Variants in APOL6 observed in about 807,000 individuals in gnomAD.
The protein encoded by APOL6 is apolipoprotein L, 6.
APOL6 carries 1 observed loss-of-function variant against 2.4 expected under a neutral mutation model. The ratio of observed to expected loss-of-function variants is 0.41; its 90% CI spans 0.15 to 1.94. The LOEUF is 1.94. Among genes scored for constraint, APOL6 ranks in the 30% most tolerant of loss-of-function variants. APOL6 has a pLI of 0.30. For missense variants in APOL6, 438 were observed against 429.2 expected (o/e 1.02, Z -0.18); for synonymous variants, 189 against 169.3 (o/e 1.12, Z -0.90).
chr22:35,656,382 A>C lies in APOL6; in HGVS notation c.-44A>C. 2.5e-6 allele frequency: 4 copies of C among 1,612,778 alleles called. No individual in the cohort carries two copies. Among genetic ancestry groups the C allele is most frequent in the Non-Finnish European group, 3.4e-6 (4 of 1,178,794 alleles). ...GTTTTTCTACATTCCTGACCAGAAA[A>C]TCATTTGACTCCTGGGGACACAGAT... is the stretch of plus-strand genomic sequence containing the variant. On this transcript the variant is annotated 5_prime_UTR_variant, in exon 2 of 3. Transcript: ENST00000409652.
rs1925046149 is a variant in APOL6 at position 35,662,190 on chromosome 22, T to C, written c.*2594T>C. The C allele has an allele frequency of 6.6e-6, 1 of 152,162 alleles. No homozygotes were observed. Among genetic ancestry groups the C allele is most frequent in the Non-Finnish European group, 1.5e-5 (1 of 68,040 alleles). 9.4% of individuals were successfully genotyped at this position (152,162 alleles called of 1,614,324 possible). A position where few individuals can be genotyped will look rare whatever the true frequency, so the allele number is the denominator to read the frequency against. On this transcript the variant is annotated 3_prime_UTR_variant, in exon 3 of 3. Coordinates refer to ENST00000409652, the MANE Select transcript of APOL6 (RefSeq NM_030641.4). Reference sequence around the variant, plus strand: ...GGAAGGGAAGGGAGGTGGGCAGCAGTGGGTCAGAGATAGACCTTTGTTCTC... The same window carrying C: ...GGAAGGGAAGGGAGGTGGGCAGCAGCGGGTCAGAGATAGACCTTTGTTCTC...
At chr22:35,658,487 C>A in intron 2 of APOL6, 128 bp from the exon 3 acceptor site, 1 of 831,286 alleles carries the variant, frequency 1.2e-6, no homozygotes, top group South Asian at 1.9e-5. Context: ...TGCTCTAGGA[C>A]TTTTCAGGGG....
rs1034285385 is a variant in APOL6, at chr22:35,663,084, T to G, written c.*3488T>G. 5.9e-5 allele frequency: 9 copies of G among 152,226 alleles called. 1 individual carries two copies. The highest frequency in any genetic ancestry group is 2.2e-4 in the African/African-American group (9 of 41,462). 9.4% of individuals were successfully genotyped at this position (152,226 alleles called of 1,614,324 possible). A position where few individuals can be genotyped will look rare whatever the true frequency, so the allele number is the denominator to read the frequency against. ...GCACTCAGAAATTGTATAATTTGTG[T>G]GACCATTGTTAGTTTTGCTTAACTG... On this transcript the variant is annotated 3_prime_UTR_variant, in exon 3 of 3. Transcript: ENST00000409652.
In APOL6 at chr22:35,660,242, C is replaced by A. The variant is rs936380458; in HGVS notation, c.*646C>A. 6.6e-6 allele frequency: 1 copy of A among 152,532 alleles called. No homozygotes were observed. Among genetic ancestry groups the A allele is most frequent in the African/African-American group, 2.4e-5 (1 of 41,448 alleles). The allele number at this position is 152,532 out of a possible 1,614,324, so 9.4% of individuals were successfully genotyped here. ...TGAGGCCATAGGGTGAGGTCCTAAC[C>A]CGATGGAATTGACTTCTTTATAAGA... On this transcript the variant is annotated 3_prime_UTR_variant, in exon 3 of 3. Coordinates refer to ENST00000409652, the MANE Select transcript of APOL6 (RefSeq NM_030641.4).
intron 1 of APOL6, among the ~76,000 whole-genome samples, chr22:35,655,567 T>G (rs1473022901): frequency 1.3e-5 from 2 of 152,190 alleles, no homozygotes; most frequent in Non-Finnish European, 2.9e-5. Context: ...TTGTTATTGC[T>G]ATGTAATATT....
rs1924960133 is a variant in APOL6, at chr22:35,659,547, T to C, written c.983T>C (p.Leu328Pro). 7 of 1,613,836 alleles carry C rather than the reference T, an allele frequency of 4.3e-6. No homozygotes were observed. Among genetic ancestry groups the C allele is most frequent in the Non-Finnish European group, 5.9e-6 (7 of 1,179,972 alleles). The change falls in exon 3 of 3, where the codon CTG (leucine) becomes CCG (proline). Residue 328 changes from leucine (L) to proline (P), a missense_variant. Transcript: ENST00000409652. ...TTAAGGGAGCATGTGTGGATGTGGC[T>C]GTGGCTGTGTGTGTGTCTGTGTGTC... The part of the protein sequence containing the change: ...KELREHVWMW[L>P]WLCVCLCVCV...
intron 2 of APOL6, among the ~76,000 whole-genome samples, chr22:35,658,103 G>T (rs1189971587): frequency 6.6e-6 from 1 of 152,046 alleles, no homozygotes; most frequent in African/African-American, 2.4e-5. Flanking sequence ...CAGATTCGAG[G>T]TCATTAGAGT....
At chr22:35,654,010 C>T (rs1307205198) in intron 1 of APOL6, among the ~76,000 whole-genome samples, 1 of 152,182 alleles carries the variant, frequency 6.6e-6, no homozygotes, top group Non-Finnish European at 1.5e-5. Context: ...CAGGGAAACA[C>T]TTATTTACAA....
rs562016910 is a variant in APOL6 at position 35,651,341 on chromosome 22, C to A, written c.-48+2718C>A. Among the ~76,000 whole-genome samples the A allele has an allele frequency of 3.3e-5, 5 of 152,312 alleles. No homozygotes were observed. In the South Asian group the frequency reaches 6.2e-4, roughly 19 times the overall value. ...GCTTCTGACAGCACGACTCTAATTT[C>A]TGCCTCTGTCTGCGTGCAGCCTTCT... is the stretch of plus-strand genomic sequence containing the variant. On this transcript the variant is annotated intron_variant, in intron 1 of 2. Transcript: ENST00000409652.
At position 35,664,855 on chromosome 22, in the gene APOL6, T is replaced by A. The variant is rs1381215854; in HGVS notation, c.*5259T>A. On this transcript the variant is annotated 3_prime_UTR_variant, in exon 3 of 3. Transcript: ENST00000409652. ...GTCTAATTCAAAGCTTATTAAAAGGTTATATATAAAACAAGGTAAAAGGAA... is the reference window on the plus strand; with the variant it reads ...GTCTAATTCAAAGCTTATTAAAAGGATATATATAAAACAAGGTAAAAGGAA... 1 of 151,656 alleles carries A rather than the reference T, an allele frequency of 6.6e-6. No homozygotes were observed. The highest frequency in any genetic ancestry group is 1.5e-5 in the Non-Finnish European group (1 of 67,926). 9.4% of individuals were successfully genotyped at this position (151,656 alleles called of 1,614,324 possible). A position where few individuals can be genotyped will look rare whatever the true frequency, so the allele number is the denominator to read the frequency against.
intron 1 of APOL6, among the ~76,000 whole-genome samples, chr22:35,651,702 C>G (rs2145953085): frequency 6.6e-6 from 1 of 152,296 alleles, no homozygotes; most frequent in African/African-American, 2.4e-5. Context: ...CCAGCTTCAT[C>G]CATGTCCCTA....
intron 1 of APOL6, among the ~76,000 whole-genome samples, chr22:35,651,455 C>T (rs544241799): frequency 3.9e-5 from 6 of 152,138 alleles, no homozygotes; most frequent in East Asian, 3.9e-4. Context: ...TAATTTCACC[C>T]GGAGAAATGT....
Position 35,659,923 on chromosome 22 carries a change from G to A in APOL6, c.*327G>A, listed in dbSNP as rs750437959. The A allele has an allele frequency of 2.8e-5, 7 of 251,032 alleles. No individual in the cohort carries two copies. The highest frequency in any genetic ancestry group is 4.6e-5 in the Non-Finnish European group (6 of 129,644). 15.6% of individuals were successfully genotyped at this position (251,032 alleles called of 1,614,324 possible). On this transcript the variant is annotated 3_prime_UTR_variant, in exon 3 of 3. Coordinates refer to ENST00000409652, the MANE Select transcript of APOL6 (RefSeq NM_030641.4). ...TGGGATTACAGGCACGCACCACCAC[G>A]CCCAGCTAATTTTGGTATTTTTTTG...
rs149874077 is a variant in APOL6, at chr22:35,659,050, C to T, written c.486C>T (p.Asp162=). ...EDREDEEEKA[D]YVTAAGKIIY... is the part of the protein sequence containing the mutation. ...GGGAGGATGAGGAAGAGAAGGCAGA[C>T]TATGTCACAGCTGCTGGAAAGATTA... is the stretch of plus-strand genomic sequence containing the variant. Residue 162 remains aspartate, a synonymous_variant, in exon 3 of 3, where the codon GAC becomes GAT. Coordinates refer to ENST00000409652, the MANE Select transcript of APOL6 (RefSeq NM_030641.4). 5.9e-4 allele frequency: 958 copies of T among 1,613,936 alleles called. 2 individuals are homozygous for T. Among genetic ancestry groups the T allele is most frequent in the Non-Finnish European group, 7.0e-4 (830 of 1,180,034 alleles).
rs539735860 is a variant in APOL6, at chr22:35,662,990, C to T, written c.*3394C>T. On this transcript the variant is annotated 3_prime_UTR_variant, in exon 3 of 3. Transcript: ENST00000409652. ...CTCCCAACAAGGAAGGCAAGTTTTC[C>T]TGCTTTCATGATGATGGAAGGCAGG... 1 of 152,264 alleles carries T rather than the reference C, an allele frequency of 6.6e-6. No homozygotes were observed. Among genetic ancestry groups the T allele is most frequent in the Admixed American group, 6.5e-5 (1 of 15,288 alleles). 9.4% of individuals were successfully genotyped at this position (152,264 alleles called of 1,614,324 possible).
At chr22:35,651,119 T>C (rs192099228) in intron 1 of APOL6, among the ~76,000 whole-genome samples, 4 of 152,184 alleles carry the variant, frequency 2.6e-5, no homozygotes, top group Admixed American at 1.3e-4. Flanking sequence ...GTACCAAATG[T>C]AGAGAAGAGA....
intron 1 of APOL6, among the ~76,000 whole-genome samples, chr22:35,649,689 C>T (rs1209731243): frequency 2.0e-5 from 3 of 151,898 alleles, no homozygotes; most frequent in Non-Finnish European, 4.4e-5. Flanking sequence ...ATGGGACCTG[C>T]TTAGATGAGT....
rs1159023840 is a variant in APOL6 at position 35,665,026 on chromosome 22, G to A, written c.*5430G>A. ...AATAAAATAACTGGTTGTTTAACAA[G>A]GAGGGATGTTCAGGACAAACCAGAA... is the stretch of plus-strand genomic sequence containing the variant. On this transcript the variant is annotated 3_prime_UTR_variant, in exon 3 of 3. Transcript: ENST00000409652. 1 of 151,852 alleles carries A rather than the reference G, an allele frequency of 6.6e-6. No homozygotes were observed. Among genetic ancestry groups the A allele is most frequent in the Non-Finnish European group, 1.5e-5 (1 of 67,974 alleles). The allele number at this position is 151,852 out of a possible 1,614,324, so 9.4% of individuals were successfully genotyped here. A position where few individuals can be genotyped will look rare whatever the true frequency, so the allele number is the denominator to read the frequency against.
rs1601871926 is a variant in APOL6, at chr22:35,666,854, A to G, written c.*7258A>G. On this transcript the variant is annotated 3_prime_UTR_variant, in exon 3 of 3. Coordinates refer to ENST00000409652, the MANE Select transcript of APOL6 (RefSeq NM_030641.4). ...TTCTTTTGAGCTATTGACAGCTTTT[A>G]ACAATTTAGTATACTCCTATGACAA... The G allele has an allele frequency of 6.6e-6, 1 of 152,216 alleles. No homozygotes were observed. The highest frequency in any genetic ancestry group is 2.4e-5 in the African/African-American group (1 of 41,452). 9.4% of individuals were successfully genotyped at this position (152,216 alleles called of 1,614,324 possible). A position where few individuals can be genotyped will look rare whatever the true frequency, so the allele number is the denominator to read the frequency against.
Sources: allele counts gnomAD v4.1 joint callset (sites outside exome capture counted in the v4.1 genomes callset), GRCh38; gene constraint gnomAD v4.1.1; transcripts MANE v1.5; gene names NCBI Gene and HGNC (gene_info 2026-07-23, HGNC 2026-07-21).